Variants in SUMF1 observed in about 807,000 individuals in gnomAD.
SUMF1 encodes the protein sulfatase modifying factor 1.
SUMF1 carries 48 observed loss-of-function variants against 47.6 expected under a neutral mutation model. The observed-to-expected ratio is 1.01, with a 90% CI of 0.80 to 1.28. SUMF1 has a LOEUF of 1.28. Ranked by LOEUF, SUMF1 falls within the 50% of genes most tolerant of loss-of-function variation. SUMF1 has a pLI of 0.00. For missense variants in SUMF1, 571 were observed against 485.4 expected (o/e 1.18, Z -1.66); for synonymous variants, 230 against 192.1 (o/e 1.20, Z -1.63).
chr3:4,185,099 T>G (rs974885515), intron 8 of SUMF1, among the ~76,000 whole-genome samples: 20 of 152,190 alleles, frequency 1.3e-4, no homozygotes, highest in Admixed American at 1.1e-3. Context: ...TATGGCTTCA[T>G]AACAAAAAGT....
intron 9 of SUMF1, among the ~76,000 whole-genome samples, chr3:4,058,269 C>A (rs935083418): frequency 1.3e-5 from 2 of 152,108 alleles, no homozygotes; most frequent in Non-Finnish European, 2.9e-5. Context: ...ATATTCTGCC[C>A]GACTGCTCTG....
chr3:4,376,224 A>T, intron 8 of SUMF1, 106 bp downstream of exon 8: 1 of 1,333,620 alleles, frequency 7.5e-7, no homozygotes, highest in Non-Finnish European at 1.1e-6. Context: ...GGGGTTAGGT[A>T]GGCATTTGCA....
intron 1 of SUMF1, among the ~76,000 whole-genome samples, chr3:4,456,474 C>G (rs1306732732): frequency 7.7e-6 from 1 of 130,490 alleles, no homozygotes; most frequent in South Asian, 2.3e-4. Flanking sequence ...TTTTTTGAGA[C>G]GGAGTCTTAC....
At position 4,254,147 on chromosome 3, in the gene SUMF1, A is replaced by C. The variant is rs1050281174; in HGVS notation, c.1014+122183T>G. 6.2e-4 allele frequency among the ~76,000 whole-genome samples: 95 copies of C among 152,166 alleles called. 2 individuals are homozygous for C. Among genetic ancestry groups the C allele is most frequent in the Admixed American group, 9.8e-4 (15 of 15,278 alleles). ...TCATCAAAGACCAAAAGCAAAAAAA[A>C]CCACAAAGATGGGGAAAAAACAGAA... On this transcript the variant is annotated intron_variant and NMD_transcript_variant, in intron 8 of 12. Transcript: ENST00000448413.
chr3:4,092,524 C>G (rs17039845), intron 8 of SUMF1, among the ~76,000 whole-genome samples: 1,665 of 152,174 alleles, frequency 0.011, 48 homozygotes, highest in African/African-American at 0.038. Context: ...AGTAGTTAAG[C>G]CTTTCCTAAG....
chr3:4,082,732 A>G (rs1165084327), intron 8 of SUMF1, among the ~76,000 whole-genome samples: 2 of 152,168 alleles, frequency 1.3e-5, no homozygotes, highest in Non-Finnish European at 1.5e-5. Flanking sequence ...ATGAATAGAC[A>G]TTTTAAAAAG....
At chr3:4,313,671 G>T in intron 8 of SUMF1, 1 of 1,614,000 alleles carries the variant, frequency 6.2e-7, no homozygotes, top group Non-Finnish European at 8.5e-7. Flanking sequence ...CCGTAGAAAA[G>T]TCGAACATCA....
At chr3:4,127,543 T>C (rs1253467145) in intron 8 of SUMF1, among the ~76,000 whole-genome samples, 2 of 152,274 alleles carry the variant, frequency 1.3e-5, no homozygotes, top group Non-Finnish European at 2.9e-5. Context: ...TTGTGCTGGA[T>C]GCTTCCTGCT....
At chr3:4,253,449 G>A (rs1039514258) in intron 8 of SUMF1, among the ~76,000 whole-genome samples, 1 of 152,202 alleles carries the variant, frequency 6.6e-6, no homozygotes, top group Non-Finnish European at 1.5e-5. Context: ...GCCTCACCTG[G>A]GAAGCACAAG....
In SUMF1 at chr3:4,074,029, A is replaced by T. The variant is rs150203868; in HGVS notation, c.1015-5284T>A. 5.7e-3 allele frequency among the ~76,000 whole-genome samples: 843 copies of T among 147,794 alleles called. 4 individuals carry two copies. The highest frequency in any genetic ancestry group is 0.022 in the African/African-American group (804 of 37,226). On this transcript the variant is annotated intron_variant and NMD_transcript_variant, in intron 8 of 12. Transcript: ENST00000448413. ...CAAACTCTCCACCCCAAATCAACAGAATATACATTCTTCTCAGCACCACAT... is the reference window on the plus strand; with the variant it reads ...CAAACTCTCCACCCCAAATCAACAGTATATACATTCTTCTCAGCACCACAT...
chr3:4,267,691 A>G (rs1697224647), intron 8 of SUMF1, among the ~76,000 whole-genome samples: 2 of 151,506 alleles, frequency 1.3e-5, no homozygotes, highest in Admixed American at 1.3e-4. Context: ...ATGAGATATC[A>G]TCTCACACCA....
At chr3:4,216,692 A>G (rs1202242298) in intron 8 of SUMF1, among the ~76,000 whole-genome samples, 1 of 152,202 alleles carries the variant, frequency 6.6e-6, no homozygotes, top group Admixed American at 6.5e-5. Flanking sequence ...CCCCATCAAA[A>G]AGTGGGCAAA....
chr3:4,096,012 T>C (rs1406267852), intron 8 of SUMF1, among the ~76,000 whole-genome samples: 5 of 152,206 alleles, frequency 3.3e-5, no homozygotes, highest in Admixed American at 2.0e-4. Context: ...CTTAACTGTA[T>C]GGGATTATGG....
chr3:4,168,936 T>C (rs1694771299), intron 8 of SUMF1, among the ~76,000 whole-genome samples: 1 of 152,192 alleles, frequency 6.6e-6, no homozygotes, highest in Non-Finnish European at 1.5e-5. Flanking sequence ...TCAATAACCA[T>C]GGTAGATATT....
rs946748713 is a variant in SUMF1 at position 4,388,033 on chromosome 3, G to T, written c.955-11644C>A. On this transcript the variant is annotated intron_variant, in intron 7 of 8. Coordinates refer to ENST00000272902, the MANE Select transcript of SUMF1 (RefSeq NM_182760.4). ...TATGTTCCATGCATAACTGAAAAGG[G>T]GTATTCTGCAGTTATAGGGTAGACA... 3.3e-5 allele frequency among the ~76,000 whole-genome samples: 5 copies of T among 152,106 alleles called. 1 individual carries two copies. The South Asian group carries it at 1.0e-3, about 31-fold the overall frequency.
intron 8 of SUMF1, chr3:4,303,626 T>C: frequency 7.2e-7 from 1 of 1,390,882 alleles, no homozygotes; most frequent in Non-Finnish European, 9.3e-7. Flanking sequence ...CGCGACCTTT[T>C]GTCTTCTCTT....
At chr3:4,048,511 C>T (rs1289102405) in intron 9 of SUMF1, among the ~76,000 whole-genome samples, 1 of 152,168 alleles carries the variant, frequency 6.6e-6, no homozygotes, top group East Asian at 1.9e-4. Flanking sequence ...ACTATGAGCT[C>T]TTCATTATGC....
intron 8 of SUMF1, among the ~76,000 whole-genome samples, chr3:4,327,143 A>G (rs1370145618): frequency 6.6e-6 from 1 of 152,224 alleles, no homozygotes; most frequent in Admixed American, 6.5e-5. Context: ...TTGACCAAAA[A>G]AACACAAAAA....
chr3:4,424,613 C>CAACTGTCT (rs951607847), intron 3 of SUMF1, among the ~76,000 whole-genome samples: 3 of 25,094 alleles, frequency 1.2e-4, no homozygotes, highest in African/African-American at 2.4e-4. Flanking sequence ...CAAAATAACC[C>CAACTGTCT]AACTGTCCTT....
Sources: allele counts gnomAD v4.1 joint callset (sites outside exome capture counted in the v4.1 genomes callset), GRCh38; gene constraint gnomAD v4.1.1; transcripts MANE v1.5; gene names NCBI Gene and HGNC (gene_info 2026-07-23, HGNC 2026-07-21).